Variants in CSMD1 observed in about 807,000 individuals in gnomAD.
CSMD1 encodes the protein CUB and sushi domain-containing protein 1.
In CSMD1, 213 loss-of-function variants were observed where a neutral mutation model predicts 417.5. The observed-to-expected ratio is 0.51, with a 90% CI of 0.46 to 0.57. The LOEUF is 0.57. CSMD1 is among the 20% of genes least tolerant of loss of function. The pLI is 0.00. For missense variants in CSMD1, 6,923 were observed against 4,529.7 expected, an observed-to-expected ratio of 1.53 and a Z score of -15.17; for synonymous variants, 2,862 against 1,736.8, an observed-to-expected ratio of 1.65 and a Z score of -16.11.
intron 1 of CSMD1, among the ~76,000 whole-genome samples, chr8:4,799,832 T>C (rs1563423661): frequency 1.3e-5 from 2 of 152,132 alleles, no homozygotes; most frequent in East Asian, 1.9e-4. Flanking sequence ...ATTAGAATGC[T>C]CTTTCCAGCA....
intron 5 of CSMD1, among the ~76,000 whole-genome samples, chr8:3,972,550 T>C (rs111713226): frequency 9.2e-5 from 14 of 152,336 alleles, no homozygotes; most frequent in African/African-American, 3.4e-4. Context: ...TGTGACCACA[T>C]ATTGCTCACA....
chr8:3,832,189 A>T (rs1268777888), intron 5 of CSMD1, among the ~76,000 whole-genome samples: 3 of 152,142 alleles, frequency 2.0e-5, no homozygotes, highest in Non-Finnish European at 4.4e-5. Context: ...GTGGAGGCTG[A>T]GTCACGTGGG....
chr8:3,715,566 A>G (rs552127931), intron 6 of CSMD1, among the ~76,000 whole-genome samples: 1 of 152,284 alleles, frequency 6.6e-6, no homozygotes, highest in East Asian at 1.9e-4. Context: ...TTTTTGAGAC[A>G]GAGTCTCACT....
chr8:4,761,925 ATCT>A (rs2117100416), intron 1 of CSMD1, among the ~76,000 whole-genome samples: 1 of 147,632 alleles, frequency 6.8e-6, no homozygotes, highest in African/African-American at 2.5e-5. Flanking sequence ...CTATCTATCT[ATCT>A]ATCTATCTAT....
In CSMD1 at chr8:3,439,232, A is replaced by T. The variant is rs148033315; in HGVS notation, c.1561+29480T>A. Among the ~76,000 whole-genome samples, 239 of 136,086 alleles carry T rather than the reference A, an allele frequency of 1.8e-3. 1 individual carries two copies. The highest frequency in any genetic ancestry group is 3.9e-3 in the Middle Eastern group (1 of 256). The allele number at this position is 136,086 out of a possible 152,430, so 89.3% of individuals were successfully genotyped here. A position where few individuals can be genotyped will look rare whatever the true frequency, so the allele number is the denominator to read the frequency against. On this transcript the variant is annotated intron_variant, in intron 12 of 69. Transcript: ENST00000635120. Reference sequence around the variant, plus strand: ...TGTACCATTACACATTCCCATCAGCAATGTTTGAGTGACTCAACTTCTCTA... The same window carrying T: ...TGTACCATTACACATTCCCATCAGCTATGTTTGAGTGACTCAACTTCTCTA...
At chr8:3,829,031 AAAAT>A (rs1802218447) in intron 5 of CSMD1, among the ~76,000 whole-genome samples, 1 of 150,330 alleles carries the variant, frequency 6.7e-6, no homozygotes, top group South Asian at 2.1e-4. Context: ...TTTTTTTAAA[AAAAT>A]GTATTTTTCC....
intron 11 of CSMD1, among the ~76,000 whole-genome samples, chr8:3,485,663 G>A (rs1029559673): frequency 2.0e-5 from 3 of 151,844 alleles, no homozygotes; most frequent in Non-Finnish European, 4.4e-5. Flanking sequence ...CTGAGACTGA[G>A]GCATGAGAAT....
intron 1 of CSMD1, among the ~76,000 whole-genome samples, chr8:4,727,818 T>A (rs1809557946): frequency 6.6e-6 from 1 of 150,790 alleles, no homozygotes; most frequent in Admixed American, 6.7e-5. Context: ...TACATGTATA[T>A]GTTTGGGATA....
At chr8:3,110,806 G>A (rs1161442188) in intron 42 of CSMD1, among the ~76,000 whole-genome samples, 1 of 152,186 alleles carries the variant, frequency 6.6e-6, no homozygotes, top group Non-Finnish European at 1.5e-5. Flanking sequence ...ATTCTTTACA[G>A]ATCTATACCT....
chr8:4,293,285 A>G (rs1406605060), intron 3 of CSMD1, among the ~76,000 whole-genome samples: 2 of 152,186 alleles, frequency 1.3e-5, no homozygotes, highest in Admixed American at 6.5e-5. Flanking sequence ...TGAAGCAGCA[A>G]ATGAAAATTG....
At chr8:3,664,345 T>C (rs985841026) in intron 7 of CSMD1, among the ~76,000 whole-genome samples, 18 of 152,166 alleles carry the variant, frequency 1.2e-4, no homozygotes, top group African/African-American at 4.1e-4. Flanking sequence ...CATCTTAAAA[T>C]TAAAATATTG....
chr8:3,254,545 C>G (rs1263473834), intron 26 of CSMD1, among the ~76,000 whole-genome samples: 1 of 152,152 alleles, frequency 6.6e-6, no homozygotes, highest in Admixed American at 6.5e-5. Flanking sequence ...TTCACATAGT[C>G]CCATATTTCT....
At chr8:4,662,384 G>C (rs1179192005) in intron 1 of CSMD1, among the ~76,000 whole-genome samples, 2 of 152,204 alleles carry the variant, frequency 1.3e-5, no homozygotes, top group South Asian at 2.1e-4. Flanking sequence ...AAATTGCTGA[G>C]GAAAAGGCAT....
chr8:4,758,641 G>C (rs12541854), intron 1 of CSMD1, among the ~76,000 whole-genome samples: 51,463 of 152,018 alleles, frequency 0.34, 9,607 homozygotes, highest in Admixed American at 0.47. Flanking sequence ...GGCTGGGGAG[G>C]CCTCAGGAAA....
chr8:4,336,114 T>C (rs565909862), intron 3 of CSMD1, among the ~76,000 whole-genome samples: 3 of 152,250 alleles, frequency 2.0e-5, no homozygotes, highest in South Asian at 4.1e-4. Context: ...GTAAGTATTT[T>C]TCCTGTTCTG....
chr8:4,605,752 G>T (rs1050810379), intron 2 of CSMD1, among the ~76,000 whole-genome samples: 1 of 152,086 alleles, frequency 6.6e-6, no homozygotes, highest in Non-Finnish European at 1.5e-5. Flanking sequence ...GTAAATCTGG[G>T]AATCAATTTA....
chr8:4,425,166 T>A lies in CSMD1; in HGVS notation c.303-5101A>T, dbSNP rs113844357. ...TTTCATGTCCCTTTAAATTATTAAG[T>A]TTTATAAAAAATTGTGATTACGAAG... On this transcript the variant is annotated intron_variant, in intron 2 of 69. Transcript: ENST00000635120. Among the ~76,000 whole-genome samples the A allele has an allele frequency of 6.4e-3, 969 of 152,096 alleles. 8 individuals carry two copies. The highest frequency in any genetic ancestry group is 0.022 in the African/African-American group (924 of 41,512).
chr8:4,465,106 C>CT (rs1800084646), intron 2 of CSMD1, among the ~76,000 whole-genome samples: 1 of 152,172 alleles, frequency 6.6e-6, no homozygotes, highest in Admixed American at 6.6e-5. Flanking sequence ...CTGGGAGACA[C>CT]TAACAGTTAA....
At chr8:3,586,448 A>C (rs1479943052) in intron 8 of CSMD1, among the ~76,000 whole-genome samples, 188 bp from the exon 9 acceptor site, 1 of 152,226 alleles carries the variant, frequency 6.6e-6, no homozygotes, top group Non-Finnish European at 1.5e-5. Context: ...TAAAATCAAA[A>C]GACTTGGGTT....
Sources: allele counts gnomAD v4.1 joint callset (sites outside exome capture counted in the v4.1 genomes callset), GRCh38; gene constraint gnomAD v4.1.1; transcripts MANE v1.5; gene names NCBI Gene and HGNC (gene_info 2026-07-23, HGNC 2026-07-21).